The following XYLT1 variants were observed in gnomAD, a reference collection of about 807,000 sequenced individuals.
The protein encoded by XYLT1 is xylosyltransferase 1.
Under a neutral mutation model 91.3 loss-of-function variants are expected in XYLT1, and 36 were observed. The observed-to-expected ratio is 0.39, with a 90% CI of 0.30 to 0.52. The LOEUF is 0.52. Ranked by LOEUF, XYLT1 falls within the 20% of genes least tolerant of loss-of-function variation. The probability of loss-of-function intolerance (pLI) is 0.68; values close to 1 mark genes in which losing one functional copy is unlikely to be tolerated. For synonymous variants in XYLT1, 588 were observed against 532.0 expected (o/e 1.11, Z -1.45); for missense variants, 1,242 against 1,284.5 (o/e 0.97, Z 0.51).
At position 17,357,172 on chromosome 16, in the gene XYLT1, CAA is replaced by C. The variant is rs1168668915; in HGVS notation, c.402+838_402+839del. On this transcript the variant is annotated intron_variant, in intron 2 of 11. Transcript: ENST00000261381. ...AGCCTGGGCAACAGAGACTCGGTCT[CAA>C]AAAAAAAAAAAAAAAAAAAAAAAAA... Among the ~76,000 whole-genome samples, 74 of 41,666 alleles carry C rather than the reference CAA, an allele frequency of 1.8e-3. 1 individual carries two copies. Among genetic ancestry groups the C allele is most frequent in the African/African-American group, 4.1e-3 (64 of 15,598 alleles). 27.3% of individuals were successfully genotyped at this position (41,666 alleles called of 152,430 possible).
At chr16:17,278,323 G>A (rs1394113601) in intron 2 of XYLT1, among the ~76,000 whole-genome samples, 2 of 152,174 alleles carry the variant, frequency 1.3e-5, no homozygotes, top group Non-Finnish European at 2.9e-5. Context: ...TTTGCAGAGA[G>A]CAAGCCGGCA....
intron 1 of XYLT1, among the ~76,000 whole-genome samples, chr16:17,454,792 G>A (rs867939003): frequency 1.1e-4 from 17 of 151,106 alleles, no homozygotes; most frequent in Admixed American, 2.0e-4. Context: ...CACCCACCTC[G>A]GCCCCACAAA....
intron 1 of XYLT1, among the ~76,000 whole-genome samples, chr16:17,365,518 G>A (rs2035443149): frequency 6.6e-6 from 1 of 152,152 alleles, no homozygotes; most frequent in Non-Finnish European, 1.5e-5. Context: ...ATAGGGCTCA[G>A]GGGAGAAAAC....
At chr16:17,368,229 C>A (rs1395016843) in intron 1 of XYLT1, among the ~76,000 whole-genome samples, 1 of 152,132 alleles carries the variant, frequency 6.6e-6, no homozygotes, top group East Asian at 1.9e-4. Flanking sequence ...CTTCCTAGGA[C>A]AGAAGAGAGA....
At chr16:17,155,198 C>CGCT (rs2031375414) in intron 6 of XYLT1, among the ~76,000 whole-genome samples, 1 of 152,136 alleles carries the variant, frequency 6.6e-6, no homozygotes, top group South Asian at 2.1e-4. Flanking sequence ...GAGTCCTCCC[C>CGCT]GCTGCCCTAG....
intron 2 of XYLT1, among the ~76,000 whole-genome samples, chr16:17,324,597 C>A (rs544009557): frequency 2.0e-5 from 3 of 152,232 alleles, no homozygotes; most frequent in Non-Finnish European, 4.4e-5. Flanking sequence ...CGTTTCTGAG[C>A]GCGTCTTCGT....
chr16:17,352,835 G>A (rs565229824), intron 2 of XYLT1, among the ~76,000 whole-genome samples: 234 of 152,244 alleles, frequency 1.5e-3, no homozygotes, highest in African/African-American at 5.3e-3. Flanking sequence ...ATGCTTTCTA[G>A]GCAAGGAAAC....
At chr16:17,334,939 C>G (rs1398567760) in intron 2 of XYLT1, among the ~76,000 whole-genome samples, 1 of 151,190 alleles carries the variant, frequency 6.6e-6, no homozygotes, top group Non-Finnish European at 1.5e-5. Flanking sequence ...AAACTAGCTA[C>G]TGGGCCAGGC....
At chr16:17,379,763 T>TCTCACACACACACACA (rs373354877) in intron 1 of XYLT1, among the ~76,000 whole-genome samples, 4 of 125,546 alleles carry the variant, frequency 3.2e-5, no homozygotes, top group African/African-American at 1.3e-4. Flanking sequence ...TCTCTCTCTC[T>TCTCACACACACACACA]CACACACACA....
chr16:17,425,172 G>A (rs926526620), intron 1 of XYLT1, among the ~76,000 whole-genome samples: 40 of 152,254 alleles, frequency 2.6e-4, no homozygotes, highest in African/African-American at 7.9e-4. Context: ...GAAGCACCTC[G>A]TAAACAGCAG....
At chr16:17,169,308 G>C (rs1445736761) in intron 5 of XYLT1, among the ~76,000 whole-genome samples, 1 of 152,204 alleles carries the variant, frequency 6.6e-6, no homozygotes, top group East Asian at 1.9e-4. Flanking sequence ...GAACTACCTG[G>C]TTGTTACAAC....
At chr16:17,268,776 G>A (rs1432425902) in intron 2 of XYLT1, among the ~76,000 whole-genome samples, 2 of 151,226 alleles carry the variant, frequency 1.3e-5, no homozygotes, top group African/African-American at 2.4e-5. Context: ...GGGTTCAAGC[G>A]ATTCTCTTGT....
chr16:17,143,832 CCATCGTCATCATCACCAT>C (rs1567294324), intron 6 of XYLT1, among the ~76,000 whole-genome samples: 1 of 81,744 alleles, frequency 1.2e-5, no homozygotes, highest in African/African-American at 6.4e-5. Flanking sequence ...GTCATCACCA[CCATCGTCATCATCACCAT>C]CATCATCACA....
chr16:17,333,339 C>T (rs1341303363), intron 2 of XYLT1, among the ~76,000 whole-genome samples: 1 of 152,064 alleles, frequency 6.6e-6, no homozygotes, highest in Non-Finnish European at 1.5e-5. Context: ...TATGAAAAAG[C>T]ATTAAGGAGA....
chr16:17,113,085 C>T (rs983545719), intron 11 of XYLT1, among the ~76,000 whole-genome samples: 3 of 151,986 alleles, frequency 2.0e-5, no homozygotes, highest in African/African-American at 7.3e-5. Flanking sequence ...GTGATCCGCC[C>T]ACCTCAGCCT....
rs1445723483 is a variant in XYLT1, at chr16:17,369,134, T to TC, written c.364-11085_364-11084insG. ...GCATGGTGCACAAAAATACTTCTTT[T>TC]TTTTTTTTTTTTTTTAGATGGAGTT... On this transcript the variant is annotated intron_variant, in intron 1 of 11. Transcript: ENST00000261381. Among the ~76,000 whole-genome samples the TC allele has an allele frequency of 2.5e-4, 37 of 149,494 alleles. No individual in the cohort carries two copies. In the East Asian group the frequency reaches 7.0e-3, roughly 28 times the overall value.
chr16:17,467,926 G>A (rs1348758345), intron 1 of XYLT1, among the ~76,000 whole-genome samples: 2 of 152,094 alleles, frequency 1.3e-5, no homozygotes, highest in African/African-American at 4.8e-5. Flanking sequence ...CTCTACAAGA[G>A]CCATCTGGAA....
chr16:17,335,377 G>A (rs2034964577), intron 2 of XYLT1, among the ~76,000 whole-genome samples: 2 of 152,082 alleles, frequency 1.3e-5, no homozygotes, highest in Admixed American at 1.3e-4. Flanking sequence ...AGGAACTGCA[G>A]AAGAGCGCAG....
At chr16:17,422,133 C>T (rs1048427686) in intron 1 of XYLT1, among the ~76,000 whole-genome samples, 1 of 152,002 alleles carries the variant, frequency 6.6e-6, no homozygotes, top group African/African-American at 2.4e-5. Context: ...CAGATGCCCA[C>T]CACCACACCC....
Sources: gnomAD v4.1 joint callset for allele counts (sites outside exome capture counted in the v4.1 genomes callset) on GRCh38, gnomAD v4.1.1 for gene constraint, MANE v1.5 for transcripts, NCBI Gene and HGNC (gene_info 2026-07-23, HGNC 2026-07-21) for gene names.